Variants in MYO3B observed in about 807,000 individuals in gnomAD.
The protein encoded by MYO3B is myosin-IIIb.
Under a neutral mutation model 174.6 loss-of-function variants are expected in MYO3B, and 156 were observed. That is an observed-to-expected ratio of 0.89 (90% CI 0.78 to 1.02). The LOEUF (loss-of-function observed/expected upper bound fraction) is 1.02. Ranked by LOEUF, MYO3B falls within the 50% of genes least tolerant of loss-of-function variation. The pLI is 0.00. For synonymous variants in MYO3B, 563 were observed against 569.1 expected, an observed-to-expected ratio of 0.99 and a Z score of 0.15; for missense variants, 1,632 against 1,639.4, an observed-to-expected ratio of 1.00 and a Z score of 0.08.
intron 6 of MYO3B, among the ~76,000 whole-genome samples, chr2:170,227,761 G>A (rs2092967861): frequency 6.6e-6 from 1 of 152,170 alleles, no homozygotes; most frequent in Non-Finnish European, 1.5e-5. Flanking sequence ...TACTCTGATT[G>A]ATTTGCTTCC....
chr2:170,487,178 A>G (rs900885590), intron 25 of MYO3B, among the ~76,000 whole-genome samples: 2 of 152,196 alleles, frequency 1.3e-5, no homozygotes, highest in African/African-American at 4.8e-5. Context: ...CCACGTTCCC[A>G]GCCTCTTCAT....
Position 170,196,497 on chromosome 2 carries a change from C to G in MYO3B, c.3-2711C>G, listed in dbSNP as rs113369799. Among the ~76,000 whole-genome samples the G allele has an allele frequency of 1.2e-4, 19 of 152,290 alleles. 1 individual carries two copies. The Middle Eastern group carries it at 0.01, about 82-fold the overall frequency. ...CACCACTGCACTACAGCCTGGGTGA[C>G]AGAGTGAGAGCCTGTCTCAAAAAAG... On this transcript the variant is annotated intron_variant, in intron 1 of 34. Transcript: ENST00000408978.
chr2:170,330,974 T>C (rs1354093903), intron 7 of MYO3B, among the ~76,000 whole-genome samples: 2 of 152,232 alleles, frequency 1.3e-5, no homozygotes, highest in Non-Finnish European at 1.5e-5. Flanking sequence ...TGTGAATTCA[T>C]TCAAAAAATT....
At chr2:170,652,892 C>A in intron 34 of MYO3B, 91 bp from the exon 35 acceptor site, 1 of 1,447,766 alleles carries the variant, frequency 6.9e-7, no homozygotes, top group Non-Finnish European at 9.5e-7. Context: ...CAACCCTGTT[C>A]CAGCTACTCA....
chr2:170,287,943 A>T (rs1346945013), intron 7 of MYO3B, among the ~76,000 whole-genome samples: 1 of 152,008 alleles, frequency 6.6e-6, no homozygotes, highest in Non-Finnish European at 1.5e-5. Flanking sequence ...TTCTACATAT[A>T]GTTATCCTGT....
intron 32 of MYO3B, among the ~76,000 whole-genome samples, chr2:170,590,662 T>A (rs1318573728): frequency 6.6e-6 from 1 of 152,042 alleles, no homozygotes; most frequent in African/African-American, 2.4e-5. Flanking sequence ...AGATCTTCCT[T>A]TTTGTATTTT....
At chr2:170,503,077 G>A (rs2106090034) in intron 28 of MYO3B, among the ~76,000 whole-genome samples, 1 of 152,278 alleles carries the variant, frequency 6.6e-6, no homozygotes, top group East Asian at 1.9e-4. Context: ...CTACTTGCCT[G>A]CCTCCCAACA....
chr2:170,619,734 A>ATACTTTTTTTTTTTTTTTTTTT (rs1553539463), intron 32 of MYO3B, among the ~76,000 whole-genome samples: 1 of 33,520 alleles, frequency 3.0e-5, no homozygotes, highest in Non-Finnish European at 7.4e-5. Flanking sequence ...CTGCTGCCAT[A>ATACTTTTTTTTTTTTTTTTTTT]TTCTTTTTTT....
chr2:170,333,558 C>T (rs539135812), intron 7 of MYO3B, among the ~76,000 whole-genome samples: 1 of 152,252 alleles, frequency 6.6e-6, no homozygotes, highest in Non-Finnish European at 1.5e-5. Context: ...ATCCTTCCCC[C>T]CTGCTCTCTC....
At chr2:170,603,210 C>T (rs149097212) in intron 32 of MYO3B, among the ~76,000 whole-genome samples, 335 of 152,248 alleles carry the variant, frequency 2.2e-3, no homozygotes, top group Non-Finnish European at 3.1e-3. Context: ...CCTCAGAATA[C>T]GTTACTTAGG....
intron 7 of MYO3B, among the ~76,000 whole-genome samples, chr2:170,242,542 T>C (rs2093145800): frequency 6.6e-6 from 1 of 152,172 alleles, no homozygotes; most frequent in Non-Finnish European, 1.5e-5. Flanking sequence ...TTCAGTCCTA[T>C]GTAGGTACTG....
intron 1 of MYO3B, among the ~76,000 whole-genome samples, chr2:170,179,931 G>A (rs973821333): frequency 1.3e-4 from 20 of 152,030 alleles, no homozygotes; most frequent in Non-Finnish European, 1.5e-4. Flanking sequence ...TCAGGTTTCC[G>A]ATTTCTTCTT....
At chr2:170,336,745 T>C (rs2093949711) in intron 8 of MYO3B, among the ~76,000 whole-genome samples, 1 of 152,218 alleles carries the variant, frequency 6.6e-6, no homozygotes, top group Non-Finnish European at 1.5e-5. Context: ...TTGTAAAATT[T>C]GATAAAATTC....
At chr2:170,248,651 A>G (rs956347676) in intron 7 of MYO3B, among the ~76,000 whole-genome samples, 3 of 152,170 alleles carry the variant, frequency 2.0e-5, no homozygotes, top group Non-Finnish European at 4.4e-5. Flanking sequence ...AAAAGCCACC[A>G]GTGGCTGCTT....
At chr2:170,238,464 T>C (rs1559325956) in intron 7 of MYO3B, among the ~76,000 whole-genome samples, 1 of 152,208 alleles carries the variant, frequency 6.6e-6, no homozygotes, top group Admixed American at 6.5e-5. Flanking sequence ...TAATTTTTTT[T>C]CTATTTGAAT....
intron 6 of MYO3B, among the ~76,000 whole-genome samples, chr2:170,225,670 C>G (rs2092944477): frequency 6.6e-6 from 1 of 152,102 alleles, no homozygotes; most frequent in Non-Finnish European, 1.5e-5. Context: ...TAAAAAAGCA[C>G]AAATTTTAGA....
chr2:170,285,894 G>T (rs1292709920), intron 7 of MYO3B, among the ~76,000 whole-genome samples: 1 of 151,272 alleles, frequency 6.6e-6, no homozygotes, highest in Non-Finnish European at 1.5e-5. Flanking sequence ...TACATAATAT[G>T]AGGGAGAAAC....
At chr2:170,189,836 C>G (rs527682275) in intron 1 of MYO3B, among the ~76,000 whole-genome samples, 1 of 152,098 alleles carries the variant, frequency 6.6e-6, no homozygotes, top group Admixed American at 6.5e-5. Flanking sequence ...GTCCCTGGTA[C>G]CTTATTTAGT....
chr2:170,317,731 G>A lies in MYO3B; in HGVS notation c.750-17654G>A, dbSNP rs1243354299. Among the ~76,000 whole-genome samples the A allele has an allele frequency of 3.3e-5, 5 of 152,248 alleles. No individual in the cohort carries two copies. The South Asian group carries it at 8.3e-4, about 25-fold the overall frequency. On this transcript the variant is annotated intron_variant, in intron 7 of 34. Coordinates refer to ENST00000408978, the MANE Select transcript of MYO3B (RefSeq NM_138995.5). ...GCTTCCCATGAGGCAGCTTACTATA[G>A]GGTAGTGTTTTTCAAAATTCTGTGG...
Sources: allele counts gnomAD v4.1 joint callset (sites outside exome capture counted in the v4.1 genomes callset), GRCh38; gene constraint gnomAD v4.1.1; transcripts MANE v1.5; gene names NCBI Gene and HGNC (gene_info 2026-07-23, HGNC 2026-07-21).